TBC1D22A: variants seen among roughly 807,000 people sequenced by gnomAD.
TBC1D22A encodes the protein putative GTPase activator.
A neutral mutation model predicts 60.2 loss-of-function variants in TBC1D22A; 38 were observed. That is an observed-to-expected ratio of 0.63 (90% CI 0.49 to 0.83). The LOEUF is 0.83. Ranked by LOEUF, TBC1D22A falls within the 40% of genes least tolerant of loss-of-function variation. TBC1D22A has a pLI of 0.00. For missense variants in TBC1D22A, 628 were observed against 701.0 expected (o/e 0.90, Z 1.18); for synonymous variants, 302 against 281.7 (o/e 1.07, Z -0.72).
chr22:46,768,389 G>A (rs1400017758), intron 1 of TBC1D22A, among the ~76,000 whole-genome samples: 1 of 151,008 alleles, frequency 6.6e-6, no homozygotes, highest in Non-Finnish European at 1.5e-5. Flanking sequence ...GGAGGCTGAG[G>A]CAGGAGAGTC....
At chr22:46,810,317 C>G (rs1021651808) in intron 4 of TBC1D22A, among the ~76,000 whole-genome samples, 1 of 152,214 alleles carries the variant, frequency 6.6e-6, no homozygotes, top group Non-Finnish European at 1.5e-5. Context: ...TGTCTCCTTT[C>G]AGAAGTGTTC....
At chr22:47,018,149 C>T (rs148465152) in intron 10 of TBC1D22A, among the ~76,000 whole-genome samples, 221 of 152,380 alleles carry the variant, frequency 1.5e-3, no homozygotes, top group South Asian at 0.011. Context: ...TGACTCTGGC[C>T]GTTCCTGCTT....
At chr22:46,789,125 TTTTC>T (rs1169892975) in intron 1 of TBC1D22A, 1 of 133,108 alleles carries the variant, frequency 7.5e-6, no homozygotes, top group East Asian at 2.6e-4. Flanking sequence ...ATCTTCCTTC[TTTTC>T]TTTTTTTTTT....
At chr22:46,885,343 T>C (rs2040355) in intron 5 of TBC1D22A, among the ~76,000 whole-genome samples, 110,187 of 151,928 alleles carry the variant, frequency 0.73, 40,018 homozygotes, top group Middle Eastern at 0.86. Context: ...CGTGTCCATG[T>C]GACTCTGGGC....
At chr22:46,958,120 C>T (rs1188225563) in intron 8 of TBC1D22A, among the ~76,000 whole-genome samples, 1 of 152,094 alleles carries the variant, frequency 6.6e-6, no homozygotes, top group African/African-American at 2.4e-5. Flanking sequence ...GAGTGTGGCT[C>T]TCATCAGGGA....
At position 46,963,299 on chromosome 22, in the gene TBC1D22A, G is replaced by C. The variant is rs899196124; in HGVS notation, c.1016-10991G>C. Among the ~76,000 whole-genome samples the C allele has an allele frequency of 4.6e-5, 7 of 152,144 alleles. No individual in the cohort carries two copies. In the East Asian group the frequency reaches 9.7e-4, roughly 21 times the overall value. On this transcript the variant is annotated intron_variant, in intron 8 of 12. Coordinates refer to ENST00000337137, the MANE Select transcript of TBC1D22A (RefSeq NM_014346.5). ...GGACATGCCCTATAGACCCTGCCTG[G>C]GCCACGCAGTGCTCATCACACTGCC...
In TBC1D22A at chr22:46,936,013, CTG is replaced by C. The variant is rs555251414; in HGVS notation, c.1015+23827_1015+23828del. On this transcript the variant is annotated intron_variant, in intron 8 of 12. Coordinates refer to ENST00000337137, the MANE Select transcript of TBC1D22A (RefSeq NM_014346.5). Reference sequence around the variant, plus strand: ...GCAACTGTTTGCTGTCACTTGATCACTGTCAGCATTGGATTATTCTGTCCTCA... The same window carrying C: ...GCAACTGTTTGCTGTCACTTGATCACTCAGCATTGGATTATTCTGTCCTCA... Among the ~76,000 whole-genome samples, 20 of 152,388 alleles carry C rather than the reference CTG, an allele frequency of 1.3e-4. No homozygotes were observed. The East Asian group carries it at 1.9e-3, about 15-fold the overall frequency.
chr22:46,776,684 G>T (rs183513901), intron 1 of TBC1D22A, among the ~76,000 whole-genome samples: 249 of 152,212 alleles, frequency 1.6e-3, no homozygotes, highest in Non-Finnish European at 2.9e-3. Context: ...AACCATGGCC[G>T]TGGGGAGGAG....
intron 12 of TBC1D22A, among the ~76,000 whole-genome samples, chr22:47,155,222 A>AT: frequency 6.6e-6 from 1 of 152,062 alleles, no homozygotes; most frequent in South Asian, 2.1e-4. Context: ...TGGAAAAAAA[A>AT]AAAATGAAAT....
chr22:46,953,495 C>A (rs1002329937), intron 8 of TBC1D22A, among the ~76,000 whole-genome samples: 1 of 142,746 alleles, frequency 7.0e-6, no homozygotes, highest in African/African-American at 2.7e-5. Flanking sequence ...TGTTTTTTTT[C>A]ATTTATTTTT....
chr22:46,850,893 T>A (rs1157102943), intron 4 of TBC1D22A, among the ~76,000 whole-genome samples: 1 of 152,228 alleles, frequency 6.6e-6, no homozygotes, highest in Non-Finnish European at 1.5e-5. Flanking sequence ...GAACCTTGAA[T>A]GCATTATGTT....
At chr22:46,877,306 A>T (rs1224931170) in intron 4 of TBC1D22A, among the ~76,000 whole-genome samples, 1 of 152,232 alleles carries the variant, frequency 6.6e-6, no homozygotes, top group African/African-American at 2.4e-5. Flanking sequence ...GGCTTGTCTC[A>T]TTATGTATAT....
At chr22:47,030,592 C>T (rs185653185) in intron 10 of TBC1D22A, among the ~76,000 whole-genome samples, 2 of 152,258 alleles carry the variant, frequency 1.3e-5, no homozygotes, top group Admixed American at 1.3e-4. Context: ...CTTGCCCTGC[C>T]ACATAAGGGC....
chr22:46,963,675 G>A (rs774397081), intron 8 of TBC1D22A, among the ~76,000 whole-genome samples: 3 of 152,212 alleles, frequency 2.0e-5, no homozygotes, highest in Non-Finnish European at 4.4e-5. Flanking sequence ...ATCCTTCTCC[G>A]GGCCCAGGTG....
chr22:47,102,370 C>T lies in TBC1D22A; in HGVS notation c.1330-9138C>T, dbSNP rs6008037. On this transcript the variant is annotated intron_variant, in intron 11 of 12. Coordinates refer to ENST00000337137, the MANE Select transcript of TBC1D22A (RefSeq NM_014346.5). Reference sequence around the variant, plus strand: ...CTCCTCCTGCTTGACCCACCCCAGGCGTGTGCCTCTCACTGAAGGGGATGG... The same window carrying T: ...CTCCTCCTGCTTGACCCACCCCAGGTGTGTGCCTCTCACTGAAGGGGATGG... Among the ~76,000 whole-genome samples the T allele has an allele frequency of 6.6e-5, 10 of 152,236 alleles. No homozygotes were observed. The East Asian group carries it at 9.7e-4, about 15-fold the overall frequency.
rs755748255 is a variant in TBC1D22A at position 46,913,695 on chromosome 22, T to C, written c.1015+1507T>C. The C allele has an allele frequency of 2.5e-5, 25 of 985,312 alleles. No individual in the cohort carries two copies. The South Asian group carries it at 4.7e-4, about 19-fold the overall frequency. The allele number at this position is 985,312 out of a possible 1,614,324, so 61.0% of individuals were successfully genotyped here. A position where few individuals can be genotyped will look rare whatever the true frequency, so the allele number is the denominator to read the frequency against. On this transcript the variant is annotated intron_variant, in intron 8 of 12. Coordinates refer to ENST00000337137, the MANE Select transcript of TBC1D22A (RefSeq NM_014346.5). Reference sequence around the variant, plus strand: ...TGTCAGTAGACTTCAGAGTTGTTAATTGAAAGGAGAAGTTCAACTGAGATG... The same window carrying C: ...TGTCAGTAGACTTCAGAGTTGTTAACTGAAAGGAGAAGTTCAACTGAGATG...
chr22:47,067,041 G>A lies in TBC1D22A; in HGVS notation c.1329+29843G>A, dbSNP rs537281616. ...AGCACTTTGGGAGGCTGAGACGGGC[G>A]GATCATTTGAGGTCAGGAGTTTGAG... On this transcript the variant is annotated intron_variant, in intron 11 of 12. Transcript: ENST00000337137. Among the ~76,000 whole-genome samples the A allele has an allele frequency of 6.6e-5, 10 of 152,270 alleles. No homozygotes were observed. The South Asian group carries it at 1.2e-3, about 19-fold the overall frequency.
intron 8 of TBC1D22A, among the ~76,000 whole-genome samples, chr22:46,961,545 AG>A (rs2073505283): frequency 6.6e-6 from 1 of 152,236 alleles, no homozygotes; most frequent in Non-Finnish European, 1.5e-5. Flanking sequence ...GTTTTAGTGA[AG>A]TTTCCAGATT....
intron 5 of TBC1D22A, among the ~76,000 whole-genome samples, 193 bp downstream of exon 5, chr22:46,878,916 G>A (rs2067708145): frequency 6.6e-6 from 1 of 152,136 alleles, no homozygotes; most frequent in Non-Finnish European, 1.5e-5. Context: ...TGACAGGACT[G>A]GCAGAAAACA....
Sources: gnomAD v4.1 joint callset for allele counts (sites outside exome capture counted in the v4.1 genomes callset) on GRCh38, gnomAD v4.1.1 for gene constraint, MANE v1.5 for transcripts, NCBI Gene and HGNC (gene_info 2026-07-23, HGNC 2026-07-21) for gene names.